Variants in SDK1 observed in about 807,000 individuals in gnomAD.
SDK1 encodes the protein sidekick cell adhesion molecule 1, also known as protein sidekick-1.
SDK1 carries 157 observed loss-of-function variants against 245.5 expected under a neutral mutation model. That is an observed-to-expected ratio of 0.64 (90% CI 0.56 to 0.73). The LOEUF (loss-of-function observed/expected upper bound fraction) is 0.73, where lower values mean the gene tolerates loss of function less well. SDK1 is among the 30% of genes least tolerant of loss of function. The pLI is 0.00. For missense variants in SDK1, 3,583 were observed against 3,002.3 expected (o/e 1.19, Z -4.52); for synonymous variants, 1,647 against 1,278.5 (o/e 1.29, Z -6.15).
intron 4 of SDK1, among the ~76,000 whole-genome samples, chr7:3,685,979 CCTA>C (rs1433298695): frequency 3.3e-5 from 5 of 151,972 alleles, no homozygotes; most frequent in African/African-American, 1.2e-4. Flanking sequence ...AAAAAAATGA[CCTA>C]ATAATATACT....
intron 1 of SDK1, among the ~76,000 whole-genome samples, chr7:3,457,617 C>G (rs957343997): frequency 6.6e-6 from 1 of 152,192 alleles, no homozygotes; most frequent in African/African-American, 2.4e-5. Flanking sequence ...CATCTCTAAA[C>G]TGTATGAATT....
At chr7:3,672,589 ATATATAATATATATATT>A (rs1426900299) in intron 4 of SDK1, among the ~76,000 whole-genome samples, 6 of 142,124 alleles carry the variant, frequency 4.2e-5, no homozygotes, top group Non-Finnish European at 6.0e-5. Flanking sequence ...AGAAATATAT[ATATATAATATATATATT>A]TATATAATAT....
chr7:3,585,644 A>G (rs1780662792), intron 1 of SDK1, among the ~76,000 whole-genome samples: 1 of 152,132 alleles, frequency 6.6e-6, no homozygotes, highest in South Asian at 2.1e-4. Context: ...GTAACAGAGA[A>G]CAGAGGGGGC....
chr7:3,873,135 G>C (rs1337488278), intron 5 of SDK1, among the ~76,000 whole-genome samples: 3 of 152,012 alleles, frequency 2.0e-5, no homozygotes, highest in Non-Finnish European at 4.4e-5. Flanking sequence ...ATGTCTACTG[G>C]CAGTAAATTC....
intron 1 of SDK1, among the ~76,000 whole-genome samples, chr7:3,523,815 CTTTG>C (rs1783026038): frequency 6.6e-6 from 1 of 152,208 alleles, no homozygotes; most frequent in African/African-American, 2.4e-5. Flanking sequence ...AATTTAGTCT[CTTTG>C]TTCTAATTTC....
chr7:4,035,786 C>T (rs1351479514), intron 17 of SDK1, among the ~76,000 whole-genome samples: 1 of 152,090 alleles, frequency 6.6e-6, no homozygotes, highest in African/African-American at 2.4e-5. Flanking sequence ...TCTCATCATT[C>T]CAAGAAGCAA....
intron 4 of SDK1, among the ~76,000 whole-genome samples, chr7:3,721,407 C>A (rs1778793630): frequency 6.6e-6 from 1 of 152,172 alleles, no homozygotes; most frequent in Admixed American, 6.5e-5. Flanking sequence ...TTTCACTGTA[C>A]ATTTCTTTGA....
At chr7:3,972,452 A>T (rs1366259161) in intron 12 of SDK1, among the ~76,000 whole-genome samples, 1 of 152,126 alleles carries the variant, frequency 6.6e-6, no homozygotes, top group Non-Finnish European at 1.5e-5. Context: ...GCAAAATATG[A>T]GACTCCAGGT....
At chr7:3,925,804 G>A (rs906346579) in intron 5 of SDK1, among the ~76,000 whole-genome samples, 7 of 152,158 alleles carry the variant, frequency 4.6e-5, no homozygotes, top group African/African-American at 4.8e-5. Context: ...AGACACCCAC[G>A]CAGCCCTCCC....
intron 27 of SDK1, 60 bp downstream of exon 27, chr7:4,130,157 GCAAA>G (rs1401414009): frequency 2.1e-6 from 3 of 1,454,548 alleles, no homozygotes; most frequent in Non-Finnish European, 2.8e-6. Context: ...CCTTTCCAAT[GCAAA>G]CAATTTGGAT....
chr7:3,759,936 A>G (rs149939642), intron 4 of SDK1, among the ~76,000 whole-genome samples: 1 of 152,046 alleles, frequency 6.6e-6, no homozygotes, highest in East Asian at 1.9e-4. Context: ...TTGTTTTACA[A>G]TTTGCTGTGC....
chr7:4,108,898 G>A (rs1305034655), intron 22 of SDK1, among the ~76,000 whole-genome samples: 1 of 152,122 alleles, frequency 6.6e-6, no homozygotes, highest in African/African-American at 2.4e-5. Flanking sequence ...AAAGATCCTG[G>A]ACATTTCGTA....
intron 5 of SDK1, among the ~76,000 whole-genome samples, chr7:3,938,672 C>T (rs976568466): frequency 7.1e-6 from 1 of 141,516 alleles, no homozygotes; most frequent in African/African-American, 3.2e-5. Flanking sequence ...AGATCCTCAG[C>T]TGTTGTTTCT....
intron 1 of SDK1, among the ~76,000 whole-genome samples, chr7:3,543,655 C>T (rs1012887735): frequency 6.7e-6 from 1 of 149,766 alleles, no homozygotes; most frequent in Middle Eastern, 3.2e-3. Context: ...TCTCAGCAGG[C>T]AGAGCGCTGG....
chr7:3,622,446 A>C (rs935157847), intron 2 of SDK1, among the ~76,000 whole-genome samples: 2 of 152,166 alleles, frequency 1.3e-5, no homozygotes, highest in African/African-American at 4.8e-5. Context: ...GCACCACTGC[A>C]CTCCAGCCTG....
At position 3,391,717 on chromosome 7, in the gene SDK1, A is replaced by T. The variant is rs574031986; in HGVS notation, c.298+89833A>T. 4.7e-5 allele frequency among the ~76,000 whole-genome samples: 7 copies of T among 149,716 alleles called. No homozygotes were observed. In the East Asian group the frequency reaches 1.4e-3, roughly 29 times the overall value. ...AGTGGCATGATCATGGCTCACTGCAACCTCCGCTTGCCAGGTTTAAGTGAT... is the reference window on the plus strand; with the variant it reads ...AGTGGCATGATCATGGCTCACTGCATCCTCCGCTTGCCAGGTTTAAGTGAT... On this transcript the variant is annotated intron_variant, in intron 1 of 44. Coordinates refer to ENST00000404826, the MANE Select transcript of SDK1 (RefSeq NM_152744.4).
At chr7:3,482,915 G>A (rs987365492) in intron 1 of SDK1, among the ~76,000 whole-genome samples, 2 of 152,282 alleles carry the variant, frequency 1.3e-5, no homozygotes, top group East Asian at 1.9e-4. Context: ...CTAAGTAAAC[G>A]TTAGCTATGA....
intron 19 of SDK1, among the ~76,000 whole-genome samples, chr7:4,058,256 A>C (rs1463961913): frequency 6.6e-6 from 1 of 152,184 alleles, no homozygotes; most frequent in Non-Finnish European, 1.5e-5. Context: ...CATTGACTGA[A>C]ATTTAAAAAT....
chr7:3,346,827 ATTTTTTTTTTTT>A (rs1163275778), intron 1 of SDK1, among the ~76,000 whole-genome samples: 574 of 16,420 alleles, frequency 0.035, 31 homozygotes, highest in African/African-American at 0.12. Flanking sequence ...ATATATATAT[ATTTTTTTTTTTT>A]TTTTTTTTTT....
Sources: gnomAD v4.1 joint callset for allele counts (sites outside exome capture counted in the v4.1 genomes callset) on GRCh38, gnomAD v4.1.1 for gene constraint, MANE v1.5 for transcripts, NCBI Gene and HGNC (gene_info 2026-07-23, HGNC 2026-07-21) for gene names.